The following NF2 variants were observed in gnomAD, a reference collection of about 807,000 sequenced individuals.
NF2 encodes merlin.
In NF2, 8 loss-of-function variants were observed where a neutral mutation model predicts 83.7. The observed-to-expected ratio is 0.10, with a 90% CI of 0.06 to 0.17. NF2 has a LOEUF of 0.17. Among genes scored for constraint, NF2 ranks in the 10% least tolerant of loss-of-function variants. The pLI, the probability that NF2 is intolerant of heterozygous loss-of-function variation, is 1.00. For synonymous variants in NF2, 266 were observed against 269.6 expected (o/e 0.99, Z 0.13); for missense variants, 533 against 744.4 (o/e 0.72, Z 3.31).
At position 29,612,062 on chromosome 22, in the gene NF2, C is replaced by T. The variant is rs568743394; in HGVS notation, c.114+7950C>T. Among the ~76,000 whole-genome samples, 180 of 152,260 alleles carry T rather than the reference C, an allele frequency of 1.2e-3. 1 individual carries two copies. The highest frequency in any genetic ancestry group is 2.3e-3 in the Non-Finnish European group (157 of 68,028). On this transcript the variant is annotated intron_variant, in intron 1 of 15. Transcript: ENST00000338641. ...TCACTCTGTCGTCCAGGCTGGAATGCGGTGGCGCGATCTCGGCTCACTGCA... is the reference window on the plus strand; with the variant it reads ...TCACTCTGTCGTCCAGGCTGGAATGTGGTGGCGCGATCTCGGCTCACTGCA...
intron 9 of NF2, among the ~76,000 whole-genome samples, chr22:29,667,235 A>T (rs888619929): frequency 1.3e-5 from 2 of 151,502 alleles, no homozygotes; most frequent in African/African-American, 4.9e-5. Context: ...TATCAAATGA[A>T]CTTTTTTTTT....
intron 1 of NF2, among the ~76,000 whole-genome samples, chr22:29,608,505 C>CA (rs1322742785): frequency 6.6e-6 from 1 of 151,238 alleles, no homozygotes; most frequent in East Asian, 2.0e-4. Context: ...CCCATCTCTA[C>CA]AAAAATACAA....
chr22:29,673,236 T>G, intron 11 of NF2, 33 bp from the exon 12 acceptor site: 1 of 1,550,882 alleles, frequency 6.4e-7, no homozygotes, highest in Non-Finnish European at 8.7e-7. Context: ...CAGCACATGA[T>G]CCCACTTCAG....
intron 2 of NF2, among the ~76,000 whole-genome samples, chr22:29,638,417 C>A (rs1424212890): frequency 6.7e-6 from 1 of 150,320 alleles, no homozygotes; most frequent in Non-Finnish European, 1.5e-5. Context: ...ATGACGCAGT[C>A]TCGGCTCACT....
chr22:29,654,613 A>T (rs762131313), intron 4 of NF2, 44 bp from the exon 5 acceptor site: 9 of 1,546,400 alleles, frequency 5.8e-6, no homozygotes, highest in Non-Finnish European at 8.0e-6. Flanking sequence ...AATGGCAGTT[A>T]TCTTTAGAAT....
rs867707782 is a variant in NF2 at position 29,681,584 on chromosome 22, C to A, written c.1720C>A (p.His574Asn). 2 of 1,614,074 alleles carry A rather than the reference C, an allele frequency of 1.2e-6. No homozygotes were observed. The highest frequency in any genetic ancestry group is 1.7e-6 in the Non-Finnish European group (2 of 1,180,018). Reference sequence around the variant, plus strand: ...CTCCGACAGGGGTGGCAGCAGCAAGCACAATACCATTAAAAAGGTACCCAG... The same window carrying A: ...CTCCGACAGGGGTGGCAGCAGCAAGAACAATACCATTAAAAAGGTACCCAG... ...ENSDRGGSSK[H>N]NTIKKLTLQS... is the part of the protein sequence containing the mutation. Residue 574 changes from histidine (H) to asparagine (N), a missense_variant, in exon 15 of 16, where the codon CAC (histidine) becomes AAC (asparagine). Around this residue, in one of 3 missense-constraint regions of NF2, gnomAD observed 199 missense variants for 240.7 expected, o/e 0.83. Transcript: ENST00000338641.
At chr22:29,643,435 C>G (rs1047131506) in intron 4 of NF2, among the ~76,000 whole-genome samples, 8 of 152,118 alleles carry the variant, frequency 5.3e-5, no homozygotes, top group Admixed American at 5.2e-4. Flanking sequence ...GAGGACCCTG[C>G]GGACTTCCGC....
rs1298310583 is a variant in NF2, at chr22:29,673,375, A to T, written c.1229A>T (p.Gln410Leu). ...GCCGCAGAGGCTGAGCAGGAAATGC[A>T]GCGCATCAAGGCCACAGCGATTCGC... ...QKAAEAEQEM[Q>L]RIKATAIRTE... is the part of the protein sequence containing the mutation. The change falls in exon 12 of 16, where the codon CAG becomes CTG. Residue 410 changes from glutamine to leucine, a missense_variant. This residue lies in a region of NF2 where 199 missense variants were observed against 240.7 expected (regional missense o/e 0.83). Coordinates refer to ENST00000338641, the MANE Select transcript of NF2 (RefSeq NM_000268.4). 6.2e-7 allele frequency: 1 copy of T among 1,610,920 alleles called. No homozygotes were observed.
intron 14 of NF2, among the ~76,000 whole-genome samples, chr22:29,681,069 A>T (rs75006331): frequency 0.096 from 14,312 of 149,672 alleles, 846 homozygotes; most frequent in South Asian, 0.17. Flanking sequence ...TTTTTTTTTA[A>T]AAATAGAGAC....
rs1349181077 is a variant in NF2 at position 29,658,270 on chromosome 22, T to C, written c.675+6T>C. 2.5e-6 allele frequency: 4 copies of C among 1,613,596 alleles called. No homozygotes were observed. Among genetic ancestry groups the C allele is most frequent in the Non-Finnish European group, 3.4e-6 (4 of 1,179,656 alleles). ...TGAACTACTTTGCAATCCGGGTGTG[T>C]TGAAACCTCTCTGAGCTCCTTGTGT... is the stretch of plus-strand genomic sequence containing the variant. On this transcript the variant is annotated splice_donor_region_variant and intron_variant, in intron 7 of 15. Coordinates refer to ENST00000338641, the MANE Select transcript of NF2 (RefSeq NM_000268.4).
chr22:29,666,551 C>T (rs1008253327), intron 9 of NF2, among the ~76,000 whole-genome samples: 1 of 152,010 alleles, frequency 6.6e-6, no homozygotes, highest in Non-Finnish European at 1.5e-5. Context: ...TGGGGTGGCT[C>T]ACGCCTGTAA....
At chr22:29,640,282 G>T (rs1569282766) in intron 3 of NF2, among the ~76,000 whole-genome samples, 1 of 150,818 alleles carries the variant, frequency 6.6e-6, no homozygotes, top group African/African-American at 2.4e-5. Flanking sequence ...CAGACATCGT[G>T]CTTCATGCTA....
chr22:29,678,199 A>G lies in NF2; in HGVS notation c.1450A>G (p.Met484Val), dbSNP rs1182896077. ...ATCCGAAATTTCTCATTAACAGCCCATGAACCCAATTCCAGCACCGTTGCC... is the reference window on the plus strand; with the variant it reads ...ATCCGAAATTTCTCATTAACAGCCCGTGAACCCAATTCCAGCACCGTTGCC... ...EIATKPTYPP[M>V]NPIPAPLPPD... The change falls in exon 14 of 16, where the codon ATG becomes GTG. Residue 484 changes from methionine (M) to valine (V), a missense_variant. Coordinates refer to ENST00000338641, the MANE Select transcript of NF2 (RefSeq NM_000268.4). 3 of 1,614,064 alleles carry G rather than the reference A, an allele frequency of 1.9e-6. No homozygotes were observed. The African/African-American group carries it at 4.0e-5, about 22-fold the overall frequency.
chr22:29,615,446 A>G (rs550925733), intron 1 of NF2, among the ~76,000 whole-genome samples: 160 of 152,174 alleles, frequency 1.1e-3, no homozygotes, highest in Non-Finnish European at 2.4e-4. Flanking sequence ...GGTGGCTTGC[A>G]CCTGTAGTCT....
intron 1 of NF2, among the ~76,000 whole-genome samples, chr22:29,633,007 G>C (rs1015030949): frequency 6.6e-6 from 1 of 152,176 alleles, no homozygotes; most frequent in African/African-American, 2.4e-5. Flanking sequence ...ACCACCCAGA[G>C]CAACTGTGAC....
intron 14 of NF2, among the ~76,000 whole-genome samples, chr22:29,680,310 C>T (rs549966545): frequency 6.6e-6 from 1 of 152,292 alleles, no homozygotes; most frequent in African/African-American, 2.4e-5. Flanking sequence ...TGGGGTTTCA[C>T]CATGTTGGTC....
Position 29,695,500 on chromosome 22 carries a change from G to A in NF2, c.*698G>A, listed in dbSNP as rs948450854. 2.9e-5 allele frequency: 7 copies of A among 244,600 alleles called. No homozygotes were observed. Among genetic ancestry groups the A allele is most frequent in the African/African-American group, 1.5e-4 (7 of 45,554 alleles). The allele number at this position is 244,600 out of a possible 1,614,324, so 15.2% of individuals were successfully genotyped here. A position where few individuals can be genotyped will look rare whatever the true frequency, so the allele number is the denominator to read the frequency against. On this transcript the variant is annotated 3_prime_UTR_variant, in exon 16 of 16. Transcript: ENST00000338641. The surrounding 1 kb of genome is among the most constrained non-coding windows in gnomAD (Gnocchi z 5.4). ...CGAGGGGCTGGGTAGTGCCGTGCGG[G>A]AGCTGATGGTACAGGGCACTCGCTG...
intron 4 of NF2, among the ~76,000 whole-genome samples, chr22:29,644,273 A>C (rs1286997299): frequency 5.9e-5 from 6 of 101,014 alleles, no homozygotes; most frequent in African/African-American, 1.9e-4. Context: ...CGCTCCTCAC[A>C]TCCCAGACGG....
chr22:29,629,960 G>A (rs568384254), intron 1 of NF2, among the ~76,000 whole-genome samples: 1 of 152,302 alleles, frequency 6.6e-6, no homozygotes, highest in African/African-American at 2.4e-5. Context: ...CTTCAAGAAA[G>A]TTGTCCTTTT....
Sources: allele counts gnomAD v4.1 joint callset (sites outside exome capture counted in the v4.1 genomes callset), GRCh38; gene constraint gnomAD v4.1.1; regional missense constraint gnomAD v4.1.1; non-coding constraint Gnocchi (gnomAD v3.1); transcripts MANE v1.5; gene names NCBI Gene and HGNC (gene_info 2026-07-23, HGNC 2026-07-21).